KCNN2: variants seen among roughly 807,000 people sequenced by gnomAD.
The protein encoded by KCNN2 is potassium calcium-activated channel subfamily N member 2.
In KCNN2, 24 loss-of-function variants were observed where a neutral mutation model predicts 55.5. The ratio of observed to expected loss-of-function variants is 0.43; its 90% CI spans 0.31 to 0.61. The LOEUF is 0.61. Among genes scored for constraint, KCNN2 ranks in the 20% least tolerant of loss-of-function variants. The pLI is 0.08. For synonymous variants in KCNN2, 431 were observed against 336.1 expected (o/e 1.28, Z -3.09); for missense variants, 754 against 853.6 (o/e 0.88, Z 1.45).
chr5:114,247,400 A>G (rs1227708640), intron 2 of KCNN2, among the ~76,000 whole-genome samples: 1 of 152,116 alleles, frequency 6.6e-6, no homozygotes, highest in Non-Finnish European at 1.5e-5. Context: ...TGTATCAACA[A>G]TGCATTATTA....
At position 114,321,979 on chromosome 5, in the gene KCNN2, G is replaced by C. The variant is rs187944003; in HGVS notation, c.-184-38966G>C. On this transcript the variant is annotated intron_variant, in intron 2 of 10. Transcript: ENST00000512097. ...CTGGATATTTCACAGAAGCTGTGAAGATGTATTTAGCTTCTGTCTTCAGAA... is the reference window on the plus strand; with the variant it reads ...CTGGATATTTCACAGAAGCTGTGAACATGTATTTAGCTTCTGTCTTCAGAA... 1.0e-3 allele frequency among the ~76,000 whole-genome samples: 152 copies of C among 152,314 alleles called. 1 individual carries two copies. The highest frequency in any genetic ancestry group is 8.0e-3 in the Admixed American group (123 of 15,296).
rs1019801486 is a variant in KCNN2 at position 114,313,663 on chromosome 5, A to T, written c.-184-47282A>T. On this transcript the variant is annotated intron_variant, in intron 2 of 10. Coordinates refer to the KCNN2 transcript ENST00000512097. Reference sequence around the variant, plus strand: ...GATGTTCTGCCTTCAGCCTCTTTAGACTATAAATCATCTTTTTCCTTCTTG... The same window carrying T: ...GATGTTCTGCCTTCAGCCTCTTTAGTCTATAAATCATCTTTTTCCTTCTTG... Among the ~76,000 whole-genome samples the T allele has an allele frequency of 3.9e-5, 6 of 152,182 alleles. No individual in the cohort carries two copies. The South Asian group carries it at 1.0e-3, about 26-fold the overall frequency.
chr5:114,491,221 T>TA (rs1381043584), intron 6 of KCNN2, among the ~76,000 whole-genome samples: 2 of 152,158 alleles, frequency 1.3e-5, no homozygotes, highest in Admixed American at 1.3e-4. Flanking sequence ...TAGCCTGACT[T>TA]ACAGAATTCA....
At chr5:114,206,041 A>G (rs1391887454) in intron 1 of KCNN2, among the ~76,000 whole-genome samples, 2 of 152,176 alleles carry the variant, frequency 1.3e-5, no homozygotes, top group Non-Finnish European at 2.9e-5. Flanking sequence ...ATAAAAATTG[A>G]TGTAGTTCTA....
At chr5:114,464,764 A>G (rs935119935) in intron 4 of KCNN2, among the ~76,000 whole-genome samples, 5 of 152,118 alleles carry the variant, frequency 3.3e-5, no homozygotes, top group Non-Finnish European at 5.9e-5. Context: ...ATTTAACATT[A>G]TTTGCCTTTA....
At chr5:114,086,906 A>G (rs2112548890) in intron 1 of KCNN2, among the ~76,000 whole-genome samples, 1 of 152,276 alleles carries the variant, frequency 6.6e-6, no homozygotes, top group South Asian at 2.1e-4. Context: ...CAAACAGTGT[A>G]TAAGTGTTCC....
At chr5:114,285,501 A>G (rs1755725644) in intron 2 of KCNN2, among the ~76,000 whole-genome samples, 1 of 152,142 alleles carries the variant, frequency 6.6e-6, no homozygotes, top group Admixed American at 6.5e-5. Flanking sequence ...AAATCAAGCC[A>G]TTTCTTGGAA....
chr5:114,439,054 T>A (rs1220330745), intron 3 of KCNN2, among the ~76,000 whole-genome samples: 1 of 152,156 alleles, frequency 6.6e-6, no homozygotes, highest in South Asian at 2.1e-4. Flanking sequence ...GTACAGTACA[T>A]AAAAAAATCT....
At chr5:114,096,875 C>T (rs555993674) in intron 1 of KCNN2, among the ~76,000 whole-genome samples, 1 of 152,256 alleles carries the variant, frequency 6.6e-6, no homozygotes, top group East Asian at 1.9e-4. Context: ...ATAATAGCTA[C>T]TGTAACTAAA....
At chr5:114,155,520 C>G (rs1000926675) in intron 1 of KCNN2, among the ~76,000 whole-genome samples, 5 of 152,168 alleles carry the variant, frequency 3.3e-5, no homozygotes, top group African/African-American at 1.2e-4. Context: ...TATAAACATT[C>G]CCTTTTCTCC....
chr5:114,092,806 G>A (rs1313235654), intron 1 of KCNN2, among the ~76,000 whole-genome samples: 1 of 152,194 alleles, frequency 6.6e-6, no homozygotes, highest in Non-Finnish European at 1.5e-5. Flanking sequence ...CTTTAGCCAT[G>A]GCTGGGTTGC....
intron 3 of KCNN2, among the ~76,000 whole-genome samples, chr5:114,461,084 C>T (rs547229020): frequency 6.6e-6 from 1 of 152,246 alleles, no homozygotes; most frequent in East Asian, 1.9e-4. Flanking sequence ...AGGAAAACCA[C>T]GTCCTCCCAT....
rs560963627 is a variant in KCNN2, at chr5:114,314,248, C to T, written c.-184-46697C>T. ...CAGAGTTCCTATATATCACTTCCCCCCTGCATAGTTTCGCTATTAACACCT... is the reference window on the plus strand; with the variant it reads ...CAGAGTTCCTATATATCACTTCCCCTCTGCATAGTTTCGCTATTAACACCT... On this transcript the variant is annotated intron_variant, in intron 2 of 10. Transcript: ENST00000512097. 2.6e-5 allele frequency among the ~76,000 whole-genome samples: 4 copies of T among 152,140 alleles called. No homozygotes were observed. The South Asian group carries it at 8.3e-4, about 32-fold the overall frequency.
chr5:114,446,715 C>T (rs1375910011), intron 3 of KCNN2, among the ~76,000 whole-genome samples: 1 of 152,136 alleles, frequency 6.6e-6, no homozygotes, highest in East Asian at 1.9e-4. Flanking sequence ...GCTGCCTCAG[C>T]CTCCCAAATT....
intron 1 of KCNN2, among the ~76,000 whole-genome samples, chr5:114,138,998 A>G (rs760844920): frequency 1.8e-4 from 28 of 152,198 alleles, no homozygotes; most frequent in Non-Finnish European, 3.4e-4. Flanking sequence ...TACCTTTTAT[A>G]GTTTCTACAT....
chr5:114,472,173 G>A (rs1489217057), intron 4 of KCNN2, among the ~76,000 whole-genome samples: 1 of 152,090 alleles, frequency 6.6e-6, no homozygotes, highest in Admixed American at 6.5e-5. Context: ...CAGGACTGAT[G>A]AATTGGCTGC....
chr5:114,091,310 C>A (rs934303924), intron 1 of KCNN2, among the ~76,000 whole-genome samples: 1 of 152,128 alleles, frequency 6.6e-6, no homozygotes, highest in Non-Finnish European at 1.5e-5. Context: ...TTGGCACTTT[C>A]CTACTGAAAT....
At chr5:114,167,500 A>C (rs1752939234) in intron 1 of KCNN2, among the ~76,000 whole-genome samples, 1 of 152,088 alleles carries the variant, frequency 6.6e-6, no homozygotes, top group Non-Finnish European at 1.5e-5. Context: ...ATATACACTC[A>C]TTCTGTTCTT....
chr5:114,179,680 C>T (rs1442256927), intron 1 of KCNN2, among the ~76,000 whole-genome samples: 2 of 151,504 alleles, frequency 1.3e-5, no homozygotes, highest in Non-Finnish European at 2.9e-5. Context: ...TTTATTTTTA[C>T]CTCTCCAGGC....
Sources: gnomAD v4.1 joint callset for allele counts (sites outside exome capture counted in the v4.1 genomes callset) on GRCh38, gnomAD v4.1.1 for gene constraint, MANE v1.5 for transcripts, NCBI Gene and HGNC (gene_info 2026-07-23, HGNC 2026-07-21) for gene names.